Variants in XPO4 observed in about 807,000 individuals in gnomAD.
XPO4 encodes exportin 4, also known as exportin-4.
XPO4 carries 39 observed loss-of-function variants against 143.0 expected under a neutral mutation model. That is an observed-to-expected ratio of 0.27 (90% CI 0.21 to 0.36). The LOEUF is 0.36. Among genes scored for constraint, XPO4 ranks in the 10% least tolerant of loss-of-function variants. The pLI, the probability that XPO4 is intolerant of heterozygous loss-of-function variation, is 1.00. For missense variants in XPO4, 907 were observed against 1,348.0 expected, an observed-to-expected ratio of 0.67 and a Z score of 5.12; for synonymous variants, 439 against 474.0, an observed-to-expected ratio of 0.93 and a Z score of 0.96.
At chr13:20,877,798 A>G (rs1737986548) in intron 1 of XPO4, among the ~76,000 whole-genome samples, 1 of 152,230 alleles carries the variant, frequency 6.6e-6, no homozygotes, top group South Asian at 2.1e-4. Context: ...GAAAGTAAAA[A>G]TGGATATTAA....
chr13:20,888,168 T>TC (rs1172585894), intron 1 of XPO4, among the ~76,000 whole-genome samples: 1 of 70,402 alleles, frequency 1.4e-5, no homozygotes, highest in Non-Finnish European at 2.8e-5. Flanking sequence ...AGAGCAAAAC[T>TC]CCATCTCAAA....
At chr13:20,839,625 C>T (rs1236757888) in intron 6 of XPO4, among the ~76,000 whole-genome samples, 1 of 151,892 alleles carries the variant, frequency 6.6e-6, no homozygotes, top group Non-Finnish European at 1.5e-5. Context: ...TCACTTGAAG[C>T]CAGGAGTTCG....
intron 6 of XPO4, among the ~76,000 whole-genome samples, chr13:20,829,380 T>C (rs1381031768): frequency 6.6e-6 from 1 of 152,222 alleles, no homozygotes; most frequent in African/African-American, 2.4e-5. Flanking sequence ...AATGATTTTG[T>C]AATATTTCGT....
chr13:20,863,103 T>C (rs2060216219), intron 2 of XPO4: 1 of 1,178,052 alleles, frequency 8.5e-7, no homozygotes, highest in Non-Finnish European at 1.1e-6. Context: ...TCTTCAACTG[T>C]TACTTCCAAA....
chr13:20,832,133 G>C lies in XPO4; in HGVS notation c.728-4954C>G, dbSNP rs943703825. 1.4e-4 allele frequency among the ~76,000 whole-genome samples: 22 copies of C among 152,248 alleles called. 1 individual carries two copies. In the East Asian group the frequency reaches 4.2e-3, roughly 29 times the overall value. On this transcript the variant is annotated intron_variant, in intron 6 of 22. Coordinates refer to ENST00000255305, the MANE Select transcript of XPO4 (RefSeq NM_022459.5). The stretch of plus-strand genomic sequence containing the variant: ...ATGCCACCTGCCCTATTCTGTAACT[G>C]CATGGCCAGAGACAAACATATACCA...
At chr13:20,796,429 T>A (rs144883160) in intron 17 of XPO4, among the ~76,000 whole-genome samples, 173 bp from the exon 18 acceptor site, 1 of 152,224 alleles carries the variant, frequency 6.6e-6, no homozygotes, top group African/African-American at 2.4e-5. Flanking sequence ...TATATTTTTT[T>A]TAATTTTACC....
intron 1 of XPO4, among the ~76,000 whole-genome samples, chr13:20,885,424 A>G (rs892320035): frequency 1.3e-5 from 2 of 152,214 alleles, no homozygotes; most frequent in African/African-American, 4.8e-5. Context: ...ACAAAAGATT[A>G]TCAAACCCTA....
chr13:20,875,595 A>G (rs886250504), intron 1 of XPO4, among the ~76,000 whole-genome samples: 9 of 152,280 alleles, frequency 5.9e-5, no homozygotes, highest in Middle Eastern at 6.8e-3. Flanking sequence ...TCTCACATAA[A>G]GCCTCGGTTC....
intron 6 of XPO4, among the ~76,000 whole-genome samples, chr13:20,832,342 G>A (rs2059863120): frequency 6.6e-6 from 1 of 152,166 alleles, no homozygotes; most frequent in Non-Finnish European, 1.5e-5. Flanking sequence ...ATGCAATTAA[G>A]TTTATCCACT....
intron 4 of XPO4, chr13:20,852,809 A>C: frequency 1.0e-6 from 1 of 985,042 alleles, no homozygotes. Flanking sequence ...TTTTATGTAG[A>C]TATCCATTAT....
chr13:20,855,162 T>A (rs1024929419), intron 4 of XPO4, among the ~76,000 whole-genome samples: 1 of 152,028 alleles, frequency 6.6e-6, no homozygotes, highest in African/African-American at 2.4e-5. Context: ...ACATATATAT[T>A]TAAAAAGACT....
chr13:20,819,331 T>C (rs908300173), intron 9 of XPO4, among the ~76,000 whole-genome samples: 7 of 152,176 alleles, frequency 4.6e-5, no homozygotes, highest in African/African-American at 1.4e-4. Context: ...CAAACTCATA[T>C]CTTTAATATG....
At chr13:20,817,728 T>G (rs2059667456) in intron 9 of XPO4, among the ~76,000 whole-genome samples, 2 of 152,200 alleles carry the variant, frequency 1.3e-5, no homozygotes, top group African/African-American at 4.8e-5. Context: ...CTGAAACAAT[T>G]CAAATGCATC....
At chr13:20,866,271 A>G in intron 2 of XPO4, 1 of 985,076 alleles carries the variant, frequency 1.0e-6, no homozygotes, top group Non-Finnish European at 1.2e-6. Flanking sequence ...GAGCAAAGAA[A>G]ATAAAAACTA....
intron 1 of XPO4, among the ~76,000 whole-genome samples, chr13:20,894,911 C>G (rs1263324667): frequency 2.0e-5 from 3 of 150,324 alleles, no homozygotes; most frequent in Admixed American, 6.7e-5. Context: ...GGTGTGGTAT[C>G]TCACGCCTGT....
intron 2 of XPO4, among the ~76,000 whole-genome samples, chr13:20,867,641 A>G (rs888995854): frequency 6.6e-6 from 1 of 152,240 alleles, no homozygotes; most frequent in Non-Finnish European, 1.5e-5. Flanking sequence ...ACTCTCTTCC[A>G]TAAGTCCTTA....
intron 7 of XPO4, among the ~76,000 whole-genome samples, chr13:20,825,371 A>G (rs1440883333): frequency 1.3e-5 from 2 of 152,260 alleles, no homozygotes; most frequent in Non-Finnish European, 2.9e-5. Flanking sequence ...ATAAATTCAT[A>G]TAACTAAAAC....
rs1006899396 is a variant in XPO4, at chr13:20,866,212, C to T, written c.175+2384G>A. The T allele has an allele frequency of 8.1e-6, 8 of 985,130 alleles. No homozygotes were observed. The African/African-American group carries it at 1.4e-4, about 17-fold the overall frequency. 61.0% of individuals were successfully genotyped at this position (985,130 alleles called of 1,614,324 possible). ...AAAAGTGCTCTTCTGACAAAATGCA[C>T]AAGCATGCCACATGCATGCACAGAT... On this transcript the variant is annotated intron_variant, in intron 2 of 22. Coordinates refer to ENST00000255305, the MANE Select transcript of XPO4 (RefSeq NM_022459.5).
At chr13:20,822,105 T>C (rs767982884) in intron 8 of XPO4, 27 bp downstream of exon 8, 1 of 1,574,914 alleles carries the variant, frequency 6.3e-7, no homozygotes. Context: ...AGCTCCTTTT[T>C]CAGCTGCAAA....
Sources: gnomAD v4.1 joint callset for allele counts (sites outside exome capture counted in the v4.1 genomes callset) on GRCh38, gnomAD v4.1.1 for gene constraint, MANE v1.5 for transcripts, NCBI Gene and HGNC (gene_info 2026-07-23, HGNC 2026-07-21) for gene names.